CFAP54: variants seen among roughly 807,000 people sequenced by gnomAD.
CFAP54 encodes cilia and flagella associated protein 54.
Under a neutral mutation model 370.4 loss-of-function variants are expected in CFAP54, and 290 were observed. That is an observed-to-expected ratio of 0.78 (90% CI 0.71 to 0.86). The LOEUF is 0.86. CFAP54 is among the 40% of genes least tolerant of loss of function. The pLI is 0.00. For synonymous variants in CFAP54, 1,206 were observed against 1,236.5 expected (o/e 0.98, Z 0.52); for missense variants, 3,399 against 3,528.7 (o/e 0.96, Z 0.93).
At chr12:96,611,520 G>C (rs1261261633) in intron 26 of CFAP54, among the ~76,000 whole-genome samples, 2 of 152,220 alleles carry the variant, frequency 1.3e-5, no homozygotes, top group Non-Finnish European at 1.5e-5. Context: ...ACCAGCAGTG[G>C]AACAAAGCTG....
intron 65 of CFAP54, among the ~76,000 whole-genome samples, chr12:96,819,350 C>T (rs1310732142): frequency 1.3e-5 from 2 of 152,180 alleles, no homozygotes; most frequent in East Asian, 3.9e-4. Flanking sequence ...CATCATAGCA[C>T]TTCCACTAAC....
intron 39 of CFAP54, among the ~76,000 whole-genome samples, chr12:96,673,795 G>A (rs1409198112): frequency 1.3e-5 from 2 of 152,170 alleles, no homozygotes; most frequent in African/African-American, 2.4e-5. Context: ...GTGGTGATGC[G>A]ATACATTTAA....
At chr12:96,836,682 CT>C (rs919060596) in intron 66 of CFAP54, among the ~76,000 whole-genome samples, 6 of 152,226 alleles carry the variant, frequency 3.9e-5, no homozygotes, top group African/African-American at 1.4e-4. Flanking sequence ...AATATGTTTT[CT>C]TTTTGAATTT....
chr12:96,660,730 A>G (rs1378879602), intron 38 of CFAP54, among the ~76,000 whole-genome samples: 1 of 152,178 alleles, frequency 6.6e-6, no homozygotes, highest in Admixed American at 6.5e-5. Flanking sequence ...TATACAATCT[A>G]CGTGGAGATA....
intron 66 of CFAP54, among the ~76,000 whole-genome samples, chr12:96,834,507 G>C (rs1447125229): frequency 2.0e-5 from 3 of 152,254 alleles, no homozygotes; most frequent in Non-Finnish European, 4.4e-5. Flanking sequence ...GGCTGCTGCA[G>C]TGTGGCAGGC....
intron 45 of CFAP54, among the ~76,000 whole-genome samples, chr12:96,698,413 C>T (rs1392853156): frequency 6.6e-6 from 1 of 152,012 alleles, no homozygotes; most frequent in Non-Finnish European, 1.5e-5. Flanking sequence ...ATAGCAAAGA[C>T]ATGAAATAAA....
intron 66 of CFAP54, among the ~76,000 whole-genome samples, chr12:96,829,647 T>C (rs1413302241): frequency 6.6e-6 from 1 of 151,988 alleles, no homozygotes; most frequent in African/African-American, 2.4e-5. Flanking sequence ...TATTACCTCT[T>C]CAGAATTAAT....
At chr12:96,531,670 CT>C (rs1339961015) in intron 9 of CFAP54, among the ~76,000 whole-genome samples, 1 of 152,038 alleles carries the variant, frequency 6.6e-6, no homozygotes, top group African/African-American at 2.4e-5. Flanking sequence ...CTGTTCTACT[CT>C]TCTGTTTACC....
Position 96,535,541 on chromosome 12 carries a change from T to G in CFAP54, c.1732T>G (p.Ser578Ala). ...HDTCLKTCGY[S>A]EDIFHLAATL... ...TACTTGTTTGAAGACTTGTGGATATTCAGAGGATATTTTCCATTTGGCAGC... is the reference window on the plus strand; with the variant it reads ...TACTTGTTTGAAGACTTGTGGATATGCAGAGGATATTTTCCATTTGGCAGC... Residue 578 changes from serine (S) to alanine (A), a missense_variant, in exon 12 of 68, where the codon TCA (serine) becomes GCA (alanine). Ser to Ala is a moderately conservative substitution (Grantham distance 99). Around this residue, in one of 3 missense-constraint regions of CFAP54, gnomAD observed 2,796 missense variants for 2,869.7 expected, o/e 0.97. Coordinates refer to ENST00000524981, the MANE Select transcript of CFAP54 (RefSeq NM_001306084.2). The G allele has an allele frequency of 6.5e-7, 1 of 1,535,960 alleles. No individual in the cohort carries two copies.
chr12:96,705,896 T>C (rs1310788917), intron 47 of CFAP54, among the ~76,000 whole-genome samples: 1 of 152,194 alleles, frequency 6.6e-6, no homozygotes, highest in African/African-American at 2.4e-5. Context: ...AGAGAAAGCT[T>C]CTCTCAACCA....
chr12:96,491,785 A>C (rs1413913899), intron 1 of CFAP54, among the ~76,000 whole-genome samples: 1 of 152,180 alleles, frequency 6.6e-6, no homozygotes, highest in Non-Finnish European at 1.5e-5. Flanking sequence ...ATTGATAGGG[A>C]GTCTCACTCT....
intron 46 of CFAP54, among the ~76,000 whole-genome samples, chr12:96,701,051 T>C (rs534331303): frequency 6.6e-6 from 1 of 152,312 alleles, no homozygotes; most frequent in African/African-American, 2.4e-5. Context: ...GCTACAGCAT[T>C]ATAATTTATT....
At chr12:96,524,961 AT>A (rs543447482) in intron 8 of CFAP54, among the ~76,000 whole-genome samples, 2 of 151,592 alleles carry the variant, frequency 1.3e-5, no homozygotes, top group African/African-American at 2.4e-5. Flanking sequence ...AGACATGCTT[AT>A]TTTTTTTCTT....
At position 96,541,715 on chromosome 12, in the gene CFAP54, G is replaced by A. The variant is rs141857818; in HGVS notation, c.2077+728G>A. Among the ~76,000 whole-genome samples the A allele has an allele frequency of 2.6e-5, 4 of 152,234 alleles. No individual in the cohort carries two copies. The East Asian group carries it at 7.7e-4, about 29-fold the overall frequency. ...CACCCACCAAATCATCTGACACAGC[G>A]CAGGAGATCAAGTAAGTGTTGAATG... On this transcript the variant is annotated intron_variant, in intron 14 of 67. Coordinates refer to ENST00000524981, the MANE Select transcript of CFAP54 (RefSeq NM_001306084.2).
At chr12:96,641,795 G>A (rs1385176942) in intron 32 of CFAP54, among the ~76,000 whole-genome samples, 1 of 152,150 alleles carries the variant, frequency 6.6e-6, no homozygotes. Flanking sequence ...GGATGAAGCT[G>A]GAAACTATCA....
At chr12:96,743,701 C>A in intron 53 of CFAP54, 30 bp from the exon 54 acceptor site, 1 of 1,562,002 alleles carries the variant, frequency 6.4e-7, no homozygotes, top group Non-Finnish European at 8.7e-7. Flanking sequence ...GGAAACAGTA[C>A]TATCAAAATG....
chr12:96,640,785 A>G (rs1199175552), intron 32 of CFAP54, among the ~76,000 whole-genome samples: 1 of 152,234 alleles, frequency 6.6e-6, no homozygotes, highest in East Asian at 1.9e-4. Context: ...ATCTACAGCT[A>G]TCTGATCTTT....
In CFAP54 at chr12:96,663,900, G is replaced by GCAC. The variant is rs750870023; in HGVS notation, c.5532_5534dup (p.Thr1845dup). On this transcript the variant is annotated inframe_insertion, in exon 39 of 68. Coordinates refer to ENST00000524981, the MANE Select transcript of CFAP54 (RefSeq NM_001306084.2). The stretch of plus-strand genomic sequence containing the variant: ...TCAACCATTGAAGCAACAAGCAACT[G>GCAC]CACAGATTTGCTAAAAATGCTTATC... The GCAC allele has an allele frequency of 3.7e-6, 6 of 1,612,988 alleles. No homozygotes were observed. The East Asian group carries it at 1.3e-4, about 36-fold the overall frequency.
At chr12:96,735,274 G>A (rs1046461733) in intron 50 of CFAP54, among the ~76,000 whole-genome samples, 3 of 152,194 alleles carry the variant, frequency 2.0e-5, no homozygotes, top group Non-Finnish European at 2.9e-5. Context: ...ACCCATAGAT[G>A]AAGATGGAGT....
Sources: gnomAD v4.1 joint callset for allele counts (sites outside exome capture counted in the v4.1 genomes callset) on GRCh38, gnomAD v4.1.1 for gene constraint, gnomAD v4.1.1 regional missense constraint, MANE v1.5 for transcripts, NCBI Gene and HGNC (gene_info 2026-07-23, HGNC 2026-07-21) for gene names.